Variants in MFHAS1 observed in about 807,000 individuals in gnomAD.
MFHAS1 encodes multifunctional ROCO family signaling regulator 1.
MFHAS1 carries 50 observed loss-of-function variants against 70.4 expected under a neutral mutation model. The observed-to-expected ratio is 0.71, with a 90% CI of 0.57 to 0.90. The LOEUF (loss-of-function observed/expected upper bound fraction) is 0.90, where lower values mean the gene tolerates loss of function less well. Ranked by LOEUF, MFHAS1 falls within the 40% of genes least tolerant of loss-of-function variation. The probability of loss-of-function intolerance (pLI) is 0.00; values close to 1 mark genes in which losing one functional copy is unlikely to be tolerated. For synonymous variants in MFHAS1, 952 were observed against 620.0 expected, an observed-to-expected ratio of 1.54 and a Z score of -7.96; for missense variants, 1,795 against 1,347.6, an observed-to-expected ratio of 1.33 and a Z score of -5.20.
chr8:8,842,451 G>C (rs1411189720), intron 1 of MFHAS1, among the ~76,000 whole-genome samples: 3 of 152,178 alleles, frequency 2.0e-5, no homozygotes, highest in African/African-American at 7.2e-5. Flanking sequence ...CTCCCAAAGT[G>C]CTGGGATTGT....
chr8:8,877,221 G>T (rs1039417282), intron 1 of MFHAS1, among the ~76,000 whole-genome samples: 1 of 141,418 alleles, frequency 7.1e-6, no homozygotes, highest in African/African-American at 2.6e-5. Context: ...GATCACTGGA[G>T]CCCAGAAGGT....
At chr8:8,817,824 G>A (rs1480137336) in intron 1 of MFHAS1, among the ~76,000 whole-genome samples, 6 of 152,176 alleles carry the variant, frequency 3.9e-5, no homozygotes, top group African/African-American at 9.7e-5. Context: ...AAGCTCCTAT[G>A]AGAACCTAAT....
intron 1 of MFHAS1, among the ~76,000 whole-genome samples, chr8:8,828,257 T>G (rs1807237532): frequency 1.3e-5 from 2 of 152,192 alleles, no homozygotes; most frequent in Admixed American, 1.3e-4. Context: ...CTCAAAAGCA[T>G]GGAGCAACAG....
At chr8:8,850,802 A>C in intron 1 of MFHAS1, among the ~76,000 whole-genome samples, 1 of 135,808 alleles carries the variant, frequency 7.4e-6, no homozygotes. Context: ...CAGGAGTGAA[A>C]CTCCGTCTCA....
intron 1 of MFHAS1, among the ~76,000 whole-genome samples, chr8:8,811,179 G>T (rs963189634): frequency 6.6e-6 from 1 of 151,976 alleles, no homozygotes; most frequent in Non-Finnish European, 1.5e-5. Flanking sequence ...AAATCCAGCC[G>T]GGACTTGAGG....
intron 2 of MFHAS1, among the ~76,000 whole-genome samples, chr8:8,786,769 A>C (rs1284665241): frequency 6.6e-6 from 1 of 151,604 alleles, no homozygotes; most frequent in Non-Finnish European, 1.5e-5. Flanking sequence ...AAAAGGAGTT[A>C]CGATTCGTTT....
At chr8:8,812,205 G>A (rs527475239) in intron 1 of MFHAS1, among the ~76,000 whole-genome samples, 33 of 152,206 alleles carry the variant, frequency 2.2e-4, no homozygotes, top group Admixed American at 1.8e-3. Context: ...CTTCTGAATC[G>A]TAGTTGCAAA....
At chr8:8,866,407 C>G (rs572310023) in intron 1 of MFHAS1, among the ~76,000 whole-genome samples, 1 of 152,016 alleles carries the variant, frequency 6.6e-6, no homozygotes, top group Non-Finnish European at 1.5e-5. Flanking sequence ...TAGCCTCTGC[C>G]GCCCTGGCTC....
intron 1 of MFHAS1, among the ~76,000 whole-genome samples, chr8:8,845,985 G>A (rs531058953): frequency 2.6e-5 from 4 of 152,128 alleles, no homozygotes; most frequent in African/African-American, 9.6e-5. Context: ...TGGCACAGTG[G>A]CTAACACCTG....
At chr8:8,795,609 G>T (rs1003279430) in intron 2 of MFHAS1, among the ~76,000 whole-genome samples, 1 of 152,208 alleles carries the variant, frequency 6.6e-6, no homozygotes, top group African/African-American at 2.4e-5. Context: ...TATGTAATGA[G>T]TTTCCCAGTT....
intron 1 of MFHAS1, among the ~76,000 whole-genome samples, chr8:8,824,538 C>T (rs907398492): frequency 2.1e-5 from 1 of 47,152 alleles, no homozygotes; most frequent in Non-Finnish European, 5.2e-5. Context: ...CACACACACA[C>T]ACACACACAC....
chr8:8,881,337 G>A (rs1057008493), intron 1 of MFHAS1, among the ~76,000 whole-genome samples: 1 of 152,192 alleles, frequency 6.6e-6, no homozygotes, highest in African/African-American at 2.4e-5. Flanking sequence ...TCTGGGAACT[G>A]TTATCCACGC....
chr8:8,892,082 A>G lies in MFHAS1; in HGVS notation c.977T>C (p.Leu326Pro). Residue 326 changes from leucine (L) to proline (P), a missense_variant, in exon 1 of 3, where the codon CTG (leucine) becomes CCG (proline). By Grantham distance (98) the Leu-to-Pro change is moderately conservative. Transcript: ENST00000276282. This position sits in a 1 kb window ranked among gnomAD's most constrained non-coding sequence, Gnocchi z 4.7. ...SGLGRLLTLW[L>P]DNNRIRYLPD... ...CAGGTAGCGGATGCGGTTATTATCCAGCCACAAGGTGAGAAGCCGGCCCAG... is the reference window on the plus strand; with the variant it reads ...CAGGTAGCGGATGCGGTTATTATCCGGCCACAAGGTGAGAAGCCGGCCCAG... 2 of 1,613,540 alleles carry G rather than the reference A, an allele frequency of 1.2e-6. No individual in the cohort carries two copies. The highest frequency in any genetic ancestry group is 1.7e-6 in the Non-Finnish European group (2 of 1,180,034).
At position 8,783,596 on chromosome 8, in the gene MFHAS1, T is replaced by C. The variant is rs1805434454; in HGVS notation, c.*2426A>G. The stretch of plus-strand genomic sequence containing the variant: ...TTAGAAGGGGGAAAAACATTTATTT[T>C]GGCAGTGCTTTGACAATTCCAGGAA... On this transcript the variant is annotated 3_prime_UTR_variant, in exon 3 of 3. Transcript: ENST00000276282. 1 of 152,204 alleles carries C rather than the reference T, an allele frequency of 6.6e-6. No individual in the cohort carries two copies. 9.4% of individuals were successfully genotyped at this position (152,204 alleles called of 1,614,324 possible).
Position 8,784,322 on chromosome 8 carries a change from G to C in MFHAS1, c.*1700C>G, listed in dbSNP as rs536928185. The stretch of plus-strand genomic sequence containing the variant: ...CACGGAGACGCGCACACACACACGA[G>C]AACTGTGACAAAAGGATTCACCAGA... On this transcript the variant is annotated 3_prime_UTR_variant, in exon 3 of 3. Transcript: ENST00000276282. 2.0e-5 allele frequency: 3 copies of C among 152,144 alleles called. No homozygotes were observed. In the East Asian group the frequency reaches 5.8e-4, roughly 29 times the overall value. The allele number at this position is 152,144 out of a possible 1,614,324, so 9.4% of individuals were successfully genotyped here.
chr8:8,853,203 T>G (rs1486732077), intron 1 of MFHAS1, among the ~76,000 whole-genome samples: 1 of 151,692 alleles, frequency 6.6e-6, no homozygotes, highest in Non-Finnish European at 1.5e-5. Flanking sequence ...ACACACACAC[T>G]CACATACCCC....
intron 1 of MFHAS1, among the ~76,000 whole-genome samples, chr8:8,823,339 C>T (rs1807035902): frequency 6.6e-6 from 1 of 152,028 alleles, no homozygotes. Context: ...ACTGTGAAGG[C>T]CCGGTGGGCA....
intron 1 of MFHAS1, among the ~76,000 whole-genome samples, chr8:8,814,095 G>A (rs1291589723): frequency 6.6e-6 from 1 of 151,910 alleles, no homozygotes; most frequent in Non-Finnish European, 1.5e-5. Context: ...GTGCCACCAC[G>A]CCCAGCTAAT....
intron 1 of MFHAS1, among the ~76,000 whole-genome samples, chr8:8,833,972 A>G (rs1048327099): frequency 6.6e-6 from 1 of 152,110 alleles, no homozygotes; most frequent in Non-Finnish European, 1.5e-5. Flanking sequence ...CTAAAAATAC[A>G]AAAATTAGCT....
Sources: allele counts gnomAD v4.1 joint callset (sites outside exome capture counted in the v4.1 genomes callset), GRCh38; gene constraint gnomAD v4.1.1; non-coding constraint Gnocchi (gnomAD v3.1); transcripts MANE v1.5; gene names NCBI Gene and HGNC (gene_info 2026-07-23, HGNC 2026-07-21).